Variants in TRPS1 observed in about 807,000 individuals in gnomAD.
TRPS1 encodes the protein transcriptional repressor GATA binding 1, also known as zinc finger transcription factor Trps1.
Under a neutral mutation model 101.2 loss-of-function variants are expected in TRPS1, and 6 were observed. The observed-to-expected ratio is 0.06, with a 90% CI of 0.03 to 0.12. The LOEUF is 0.12. Ranked by LOEUF, TRPS1 falls within the 10% of genes least tolerant of loss-of-function variation. The pLI is 1.00. For synonymous variants in TRPS1, 578 were observed against 589.8 expected (o/e 0.98, Z 0.29); for missense variants, 1,363 against 1,567.0 (o/e 0.87, Z 2.20).
intron 1 of TRPS1, among the ~76,000 whole-genome samples, chr8:115,653,395 G>T (rs1811607375): frequency 6.6e-6 from 1 of 152,054 alleles, no homozygotes; most frequent in South Asian, 2.1e-4. Context: ...GAAGTTTTCA[G>T]CCTTTCTTCA....
intron 5 of TRPS1, among the ~76,000 whole-genome samples, chr8:115,580,799 G>T (rs1201335728): frequency 6.6e-6 from 1 of 152,058 alleles, no homozygotes; most frequent in Admixed American, 6.6e-5. Context: ...ATGTGGGTGG[G>T]AGTGTAAACT....
intron 5 of TRPS1, among the ~76,000 whole-genome samples, chr8:115,488,384 C>G (rs946684806): frequency 6.6e-5 from 10 of 152,080 alleles, no homozygotes; most frequent in African/African-American, 2.4e-4. Flanking sequence ...CCAAGGTATG[C>G]CTGTGTGATA....
At chr8:115,515,427 A>G (rs891583555) in intron 5 of TRPS1, 48 of 571,390 alleles carry the variant, frequency 8.4e-5, no homozygotes, top group Non-Finnish European at 1.4e-4. Context: ...TCTTTTTCCT[A>G]TGATTTTAAA....
intron 5 of TRPS1, among the ~76,000 whole-genome samples, chr8:115,485,979 CAT>C (rs1024009492): frequency 6.6e-5 from 10 of 152,320 alleles, no homozygotes; most frequent in Admixed American, 6.5e-4. Context: ...TCCTTCATTA[CAT>C]AGTGACAGGC....
chr8:115,476,513 G>A (rs1217055799), intron 5 of TRPS1, among the ~76,000 whole-genome samples: 2 of 152,016 alleles, frequency 1.3e-5, no homozygotes, highest in East Asian at 3.9e-4. Flanking sequence ...CCTGAAGTTC[G>A]GCCAACTAAT....
intron 5 of TRPS1, among the ~76,000 whole-genome samples, chr8:115,461,412 C>T (rs766581492): frequency 2.0e-5 from 3 of 152,010 alleles, no homozygotes; most frequent in Non-Finnish European, 2.9e-5. Flanking sequence ...CATCAATTAC[C>T]TCTTTTGTTG....
intron 5 of TRPS1, among the ~76,000 whole-genome samples, chr8:115,534,472 C>T (rs1184013384): frequency 6.6e-6 from 1 of 152,194 alleles, no homozygotes. Context: ...TACCATCACA[C>T]TGGAGGTTGA....
Position 115,418,381 on chromosome 8 carries a change from T to A in TRPS1, c.2772A>T (p.Ala924=). The A allele has an allele frequency of 6.2e-7, 1 of 1,614,154 alleles. No homozygotes were observed. The highest frequency in any genetic ancestry group is 8.5e-7 in the Non-Finnish European group (1 of 1,180,004). The stretch of plus-strand genomic sequence containing the variant: ...ACGCGTTGCATACATATCCGCCATT[T>A]GCATTCTTTCGCCAGAGAGAGGTCT... The part of the protein sequence containing the change: ...TTKTSLWRKN[A]NGGYVCNACG... Residue 924 remains alanine (A), a synonymous_variant, in exon 6 of 7, where the codon GCA becomes GCT. Transcript: ENST00000395715. This position sits in a 1 kb window ranked among gnomAD's most constrained non-coding sequence, Gnocchi z 4.3.
intron 5 of TRPS1, among the ~76,000 whole-genome samples, chr8:115,443,517 T>G (rs1247462522): frequency 1.3e-5 from 2 of 152,166 alleles, no homozygotes; most frequent in Non-Finnish European, 2.9e-5. Context: ...CCTTTGATAT[T>G]AATTATCCTA....
At chr8:115,572,618 TC>T (rs1274867296) in intron 5 of TRPS1, among the ~76,000 whole-genome samples, 4 of 152,186 alleles carry the variant, frequency 2.6e-5, no homozygotes, top group South Asian at 2.1e-4. Context: ...CCTATAATAT[TC>T]TGAACAAACT....
intron 1 of TRPS1, among the ~76,000 whole-genome samples, chr8:115,633,526 T>C (rs1268036042): frequency 2.6e-5 from 4 of 152,162 alleles, no homozygotes; most frequent in African/African-American, 9.7e-5. Context: ...TGACCAGCCA[T>C]TTGCTTACTG....
intron 5 of TRPS1, among the ~76,000 whole-genome samples, chr8:115,487,305 C>T (rs998637807): frequency 1.3e-5 from 2 of 152,102 alleles, no homozygotes; most frequent in African/African-American, 2.4e-5. Context: ...TGACAATGCA[C>T]CTGGTTACCC....
At chr8:115,544,769 G>A (rs982521100) in intron 5 of TRPS1, among the ~76,000 whole-genome samples, 5 of 152,032 alleles carry the variant, frequency 3.3e-5, no homozygotes, top group African/African-American at 1.2e-4. Flanking sequence ...TGTAACTTCT[G>A]TAGAATTCCC....
intron 5 of TRPS1, among the ~76,000 whole-genome samples, chr8:115,556,474 G>A (rs756506849): frequency 2.1e-4 from 32 of 151,870 alleles, no homozygotes; most frequent in Non-Finnish European, 3.2e-4. Context: ...GAAAATCAAC[G>A]TCCTTTTATT....
intron 5 of TRPS1, among the ~76,000 whole-genome samples, chr8:115,508,822 T>C (rs2130177092): frequency 6.6e-6 from 1 of 152,120 alleles, no homozygotes; most frequent in East Asian, 1.9e-4. Context: ...CCAGATCCTT[T>C]TGGAAGTGAG....
chr8:115,545,997 TG>T (rs1347816608), intron 5 of TRPS1, among the ~76,000 whole-genome samples: 1 of 152,088 alleles, frequency 6.6e-6, no homozygotes, highest in Non-Finnish European at 1.5e-5. Context: ...TATATAACAA[TG>T]GAATTACAGT....
At chr8:115,451,229 A>T (rs1813863334) in intron 5 of TRPS1, among the ~76,000 whole-genome samples, 1 of 152,152 alleles carries the variant, frequency 6.6e-6, no homozygotes, top group Non-Finnish European at 1.5e-5. Flanking sequence ...TGTTCCTACC[A>T]CTTCTGAATA....
At chr8:115,469,515 T>C (rs1814410997) in intron 5 of TRPS1, among the ~76,000 whole-genome samples, 2 of 152,174 alleles carry the variant, frequency 1.3e-5, no homozygotes, top group African/African-American at 4.8e-5. Context: ...TTTGTTTTTT[T>C]TGAGATGGAG....
chr8:115,431,937 T>C (rs1039565128), intron 5 of TRPS1, among the ~76,000 whole-genome samples: 3 of 151,888 alleles, frequency 2.0e-5, no homozygotes, highest in Non-Finnish European at 4.4e-5. Flanking sequence ...TATATATGCA[T>C]GCATTTATAG....
Sources: gnomAD v4.1 joint callset for allele counts (sites outside exome capture counted in the v4.1 genomes callset) on GRCh38, gnomAD v4.1.1 for gene constraint, Gnocchi (gnomAD v3.1) non-coding constraint, MANE v1.5 for transcripts, NCBI Gene and HGNC (gene_info 2026-07-23, HGNC 2026-07-21) for gene names.